Variants in CORO1B observed in about 807,000 individuals in gnomAD.
CORO1B encodes coronin-1B.
In CORO1B, 30 loss-of-function variants were observed where a neutral mutation model predicts 51.1. The observed-to-expected ratio is 0.59, with a 90% confidence interval of 0.44 to 0.80. CORO1B has a LOEUF of 0.80. CORO1B is among the 30% of genes least tolerant of loss of function. The pLI, the probability that CORO1B is intolerant of heterozygous loss-of-function variation, is 0.00. For synonymous variants in CORO1B, 310 were observed against 289.7 expected (o/e 1.07, Z -0.71); for missense variants, 648 against 700.4 (o/e 0.93, Z 0.84).
rs1427841998 is a variant in CORO1B, at chr11:67,439,774, G to A, written c.1065+12C>T. ...GAAAGGGCCAAGTGAGCCGAGGGAC[G>A]GGCGGCCTCACCTTTCTTGGCACAG... On this transcript the variant is annotated intron_variant, in intron 9 of 10. Coordinates refer to ENST00000341356, the MANE Select transcript of CORO1B (RefSeq NM_020441.3). 12 of 1,581,082 alleles carry A rather than the reference G, an allele frequency of 7.6e-6. No individual in the cohort carries two copies. Among genetic ancestry groups the A allele is most frequent in the Middle Eastern group, 1.7e-4 (1 of 6,042 alleles).
Position 67,441,946 on chromosome 11 carries a change from C to T in CORO1B, c.324+20G>A. ...TTCGGCCACACCCACGACCCTGGCC[C>T]AGCCAGTCCTGTGCCTCACCATGAC... On this transcript the variant is annotated intron_variant, in intron 3 of 10. Coordinates refer to ENST00000341356, the MANE Select transcript of CORO1B (RefSeq NM_020441.3). The T allele has an allele frequency of 1.2e-6, 2 of 1,613,074 alleles. No homozygotes were observed. Among genetic ancestry groups the T allele is most frequent in the South Asian group, 1.1e-5 (1 of 91,086 alleles).
At chr11:67,440,592 G>T in intron 6 of CORO1B, 153 bp from the exon 7 acceptor site, 1 of 747,270 alleles carries the variant, frequency 1.3e-6, no homozygotes, top group Non-Finnish European at 2.3e-6. Context: ...CCCACATGAC[G>T]ACCCCCACCT....
At chr11:67,438,534 T>C (rs770975907) in intron 10 of CORO1B, 33 bp from the exon 11 acceptor site, 2 of 1,587,048 alleles carry the variant, frequency 1.3e-6, no homozygotes, top group East Asian at 4.5e-5. Flanking sequence ...TAGGGGGCGG[T>C]GGTCAGGGGC....
At position 67,441,695 on chromosome 11, in the gene CORO1B, G is replaced by A. The variant is rs368337336; in HGVS notation, c.454+38C>T. On this transcript the variant is annotated intron_variant, in intron 4 of 10. Coordinates refer to ENST00000341356, the MANE Select transcript of CORO1B (RefSeq NM_020441.3). ...GCTGCTGGGATGTATGGAGGGGTCC[G>A]TGGGGGGGGGGAGCACAAAACGGGG... 271 of 1,322,890 alleles carry A rather than the reference G, an allele frequency of 2.0e-4. 1 individual carries two copies. The African/African-American group carries it at 3.0e-3, about 14-fold the overall frequency. 81.9% of individuals were successfully genotyped at this position (1,322,890 alleles called of 1,614,324 possible).
At chr11:67,439,021 C>T (rs779384990) in intron 9 of CORO1B, 72 bp from the exon 10 acceptor site, 108 of 1,481,946 alleles carry the variant, frequency 7.3e-5, no homozygotes, top group Non-Finnish European at 9.3e-5. Context: ...CTCCCCTGGC[C>T]TCCAGGCTTG....
Position 67,442,026 on chromosome 11 carries a change from G to T in CORO1B, c.264C>A (p.Ile88=), listed in dbSNP as rs1235915033. Residue 88 remains isoleucine (I), a synonymous_variant, in exon 3 of 11, where the codon ATC becomes ATA. Transcript: ENST00000341356. Reference sequence around the variant, plus strand: ...CTTCGTCGTTGTGAGGACACCAGTCGATGTCCAGGACAGGTCCCGTGTGCC... The same window carrying T: ...CTTCGTCGTTGTGAGGACACCAGTCTATGTCCAGGACAGGTCCCGTGTGCC... ...VCGHTGPVLD[I]DWCPHNDEVI... The T allele has an allele frequency of 3.1e-6, 5 of 1,613,218 alleles. No individual in the cohort carries two copies. In the South Asian group the frequency reaches 3.3e-5, roughly 11 times the overall value.
Position 67,437,896 on chromosome 11 carries a change from C to T in CORO1B, c.*480G>A. 2.6e-6 allele frequency: 1 copy of T among 383,402 alleles called. No individual in the cohort carries two copies. Among genetic ancestry groups the T allele is most frequent in the Non-Finnish European group, 4.6e-6 (1 of 216,374 alleles). 23.8% of individuals were successfully genotyped at this position (383,402 alleles called of 1,614,324 possible). A position where few individuals can be genotyped will look rare whatever the true frequency, so the allele number is the denominator to read the frequency against. ...CTTGCATGTGTTCTCAGGTCTTCTG[C>T]CTCAGTTTCCCTGCCTGACAATCCA... On this transcript the variant is annotated 3_prime_UTR_variant, in exon 11 of 11. Transcript: ENST00000341356.
chr11:67,441,605 G>T, intron 4 of CORO1B, 91 bp from the exon 5 acceptor site: 1 of 1,549,862 alleles, frequency 6.5e-7, no homozygotes, highest in East Asian at 2.3e-5. Context: ...ACCACCCTGG[G>T]ACAGACGGGT....
rs758163979 is a variant in CORO1B, at chr11:67,436,033, C to T, written c.*2343G>A. On this transcript the variant is annotated 3_prime_UTR_variant, in exon 11 of 11. Coordinates refer to ENST00000341356, the MANE Select transcript of CORO1B (RefSeq NM_020441.3). ...CATAGTCTGTGTCCTGCTCATCCTCCTGTCGCTCAAGGTCATTGTCTGTGG... is the reference window on the plus strand; with the variant it reads ...CATAGTCTGTGTCCTGCTCATCCTCTTGTCGCTCAAGGTCATTGTCTGTGG... 1.2e-6 allele frequency: 2 copies of T among 1,613,682 alleles called. No individual in the cohort carries two copies. The highest frequency in any genetic ancestry group is 2.2e-5 in the South Asian group (2 of 91,078).
At chr11:67,441,266 C>T (rs1482806322) in intron 5 of CORO1B, 22 bp from the exon 6 acceptor site, 1 of 1,611,726 alleles carries the variant, frequency 6.2e-7, no homozygotes, top group African/African-American at 1.3e-5. Flanking sequence ...ACAGGCTGGT[C>T]AGTGCAGCGC....
Position 67,441,470 on chromosome 11 carries a change from C to A in CORO1B, c.499G>T (p.Glu167Ter). The A allele has an allele frequency of 6.2e-7, 1 of 1,613,768 alleles. No homozygotes were observed. Residue 167 changes from glutamate (E) to a stop codon, truncating the protein, a stop_gained, in exon 5 of 11, where the codon GAG becomes TAG. Transcript: ENST00000341356. LOFTEE classifies it high-confidence loss of function. ...TGCAGGCTGTCCAGGCGGTACAGCTCCTCCGCTGTGCCCACATTCCAGATG... is the reference window on the plus strand; with the variant it reads ...TGCAGGCTGTCCAGGCGGTACAGCTACTCCGCTGTGCCCACATTCCAGATG... The part of the protein sequence containing the change: ...VLIWNVGTAE[E>*]LYRLDSLHPD...
In CORO1B at chr11:67,438,653, C is replaced by G. The variant is rs935131202; in HGVS notation, c.1344+18G>C. On this transcript the variant is annotated intron_variant, in intron 10 of 10. Transcript: ENST00000341356. ...ACACCTGGGGCTCCCAGCACCACCC[C>G]TGCCTGCGCGTGCATACCCCGGCTC... 2.9e-5 allele frequency: 44 copies of G among 1,522,966 alleles called. No individual in the cohort carries two copies. The highest frequency in any genetic ancestry group is 3.6e-5 in the Non-Finnish European group (41 of 1,135,382). 94.3% of individuals were successfully genotyped at this position (1,522,966 alleles called of 1,614,324 possible). A position where few individuals can be genotyped will look rare whatever the true frequency, so the allele number is the denominator to read the frequency against.
Position 67,441,222 on chromosome 11 carries a change from C to G in CORO1B, c.659G>C (p.Gly220Ala). The G allele has an allele frequency of 6.2e-7, 1 of 1,613,146 alleles. No individual in the cohort carries two copies. The highest frequency in any genetic ancestry group is 1.7e-5 in the Admixed American group (1 of 60,034). ...LVAEREKAHE[G>A]ARPMRAIFLA... ...GAAGATGGCCCGCATGGGCCGGGCC[C>G]CCTCATGAGCCTTCTCCCGCTCCTG... The change falls in exon 6 of 11, where the codon GGG (glycine) becomes GCG (alanine). Residue 220 changes from glycine (G) to alanine (A), a missense_variant. By Grantham distance (60) the Gly-to-Ala change is moderately conservative. Transcript: ENST00000341356.
intron 7 of CORO1B, 22 bp downstream of exon 7, chr11:67,440,313 C>T (rs562357992): frequency 5.3e-5 from 86 of 1,612,894 alleles, no homozygotes; most frequent in Middle Eastern, 1.6e-4. Context: ...CCCTGCCCCT[C>T]GCCAGCCCTG....
chr11:67,440,523 A>G, intron 6 of CORO1B, 84 bp from the exon 7 acceptor site: 2 of 1,253,054 alleles, frequency 1.6e-6, no homozygotes, highest in Non-Finnish European at 2.3e-6. Flanking sequence ...TGGCCTCACT[A>G]AGGCCAGCCA....
At chr11:67,440,756 G>A in intron 6 of CORO1B, 1 of 649,198 alleles carries the variant, frequency 1.5e-6, no homozygotes, top group Admixed American at 2.1e-5. Context: ...AAGGTGCCCT[G>A]GAGGTCACTA....
chr11:67,440,052 C>T lies in CORO1B; in HGVS notation c.1007+66G>A, dbSNP rs570482604. On this transcript the variant is annotated intron_variant, in intron 8 of 10. Coordinates refer to ENST00000341356, the MANE Select transcript of CORO1B (RefSeq NM_020441.3). ...CGCAAGGTTTCCTGCTCCCAAGCAG[C>T]CTCCAATGACCTGACCTCTCACCTT... 59 of 1,540,260 alleles carry T rather than the reference C, an allele frequency of 3.8e-5. No homozygotes were observed. In the South Asian group the frequency reaches 7.0e-4, roughly 18 times the overall value.
In CORO1B at chr11:67,441,442, G is replaced by C. The variant is rs1864392449; in HGVS notation, c.527C>G (p.Pro176Arg). The part of the protein sequence containing the change: ...EELYRLDSLH[P>R]DLIYNVSWNH... ...CCAGCTGACATTGTAGATGAGGTCA[G>C]GGTGCAGGCTGTCCAGGCGGTACAG... is the stretch of plus-strand genomic sequence containing the variant. Residue 176 changes from proline (P) to arginine (R), a missense_variant, in exon 5 of 11, where the codon CCT (proline) becomes CGT (arginine). Physicochemically the swap from Pro to Arg is moderately radical, Grantham distance 103 (BLOSUM62 -2). Transcript: ENST00000341356. The C allele has an allele frequency of 1.2e-6, 2 of 1,613,818 alleles. No individual in the cohort carries two copies. Among genetic ancestry groups the C allele is most frequent in the Admixed American group, 1.7e-5 (1 of 60,008 alleles).
chr11:67,441,829 G>C lies in CORO1B; in HGVS notation c.358C>G (p.Pro120Ala), dbSNP rs1460018174. 1.9e-6 allele frequency: 3 copies of C among 1,613,156 alleles called. No homozygotes were observed. Among genetic ancestry groups the C allele is most frequent in the Non-Finnish European group, 8.5e-7 (1 of 1,179,968 alleles). Residue 120 changes from proline (P) to alanine (A), a missense_variant, in exon 4 of 11, where the codon CCG becomes GCG. Coordinates refer to ENST00000341356, the MANE Select transcript of CORO1B (RefSeq NM_020441.3). ...AGTACCACCACCGGCTCTGTCAGCGGGGAGGTCAGCCCGTTCTCTGGGATC... is the reference window on the plus strand; with the variant it reads ...AGTACCACCACCGGCTCTGTCAGCGCGGAGGTCAGCCCGTTCTCTGGGATC... ...WQIPENGLTS[P>A]LTEPVVVLEG...
Sources: gnomAD v4.1 joint callset for allele counts on GRCh38, gnomAD v4.1.1 for gene constraint, MANE v1.5 for transcripts, NCBI Gene and HGNC (gene_info 2026-07-23, HGNC 2026-07-21) for gene names.